PDCL2: variants seen among roughly 807,000 people sequenced by gnomAD.
PDCL2 encodes the protein phosducin-like protein 2.
PDCL2 carries 23 observed loss-of-function variants against 30.3 expected under a neutral mutation model. The ratio of observed to expected loss-of-function variants is 0.76; its 90% confidence interval spans 0.55 to 1.08. PDCL2 has a LOEUF of 1.08. Among genes scored for constraint, PDCL2 ranks in the 50% least tolerant of loss-of-function variants. The pLI is 0.00. For missense variants in PDCL2, 243 were observed against 282.3 expected, an observed-to-expected ratio of 0.86 and a Z score of 1.00; for synonymous variants, 68 against 86.2, an observed-to-expected ratio of 0.79 and a Z score of 1.17.
At chr4:55,570,661 TA>T (rs35648049) in intron 3 of PDCL2, among the ~76,000 whole-genome samples, 51,060 of 152,032 alleles carry the variant, frequency 0.34, 9,253 homozygotes, top group East Asian at 0.58. Context: ...GAGCATTCAA[TA>T]AATGTTGCTA....
In PDCL2 at chr4:55,569,750, ATCT is replaced by A. The variant is rs537768850; in HGVS notation, c.327_329del (p.Glu109del). 4,753 of 1,561,940 alleles carry A rather than the reference ATCT, an allele frequency of 3.0e-3. 11 individuals are homozygous for A. Among genetic ancestry groups the A allele is most frequent in the Non-Finnish European group, 3.9e-3 (4,539 of 1,152,192 alleles). Reference sequence around the variant, plus strand: ...TGTATAGATGAATTATAACCCACACATCTTCTTCTGCATTTGTGACTTCATTCA... The same window carrying A: ...TGTATAGATGAATTATAACCCACACATCTTCTGCATTTGTGACTTCATTCA... On this transcript the variant is annotated inframe_deletion, in exon 4 of 6. Transcript: ENST00000295645.
At chr4:55,567,322 C>T (rs1286733348) in intron 4 of PDCL2, among the ~76,000 whole-genome samples, 1 of 151,988 alleles carries the variant, frequency 6.6e-6, no homozygotes, top group African/African-American at 2.4e-5. Context: ...CACTTGAAGC[C>T]AGGAGTTTGA....
chr4:55,580,792 T>G, intron 3 of PDCL2, 29 bp downstream of exon 3: 1 of 1,491,480 alleles, frequency 6.7e-7, no homozygotes, highest in African/African-American at 1.4e-5. Context: ...ATTCAAAAAT[T>G]TATAATTAAC....
intron 1 of PDCL2, among the ~76,000 whole-genome samples, chr4:55,589,301 C>G (rs908519720): frequency 6.6e-6 from 1 of 152,132 alleles, no homozygotes; most frequent in Non-Finnish European, 1.5e-5. Flanking sequence ...TTTCTGTCCT[C>G]GAAAACTTAT....
Position 55,567,756 on chromosome 4 carries a change from T to C in PDCL2, c.362+1962A>G, listed in dbSNP as rs536540649. Reference sequence around the variant, plus strand: ...AACAACTTTGTATCAGTCCACTCCCTGTCCTCCTTTTATGTCTTCACAAAC... The same window carrying C: ...AACAACTTTGTATCAGTCCACTCCCCGTCCTCCTTTTATGTCTTCACAAAC... On this transcript the variant is annotated intron_variant, in intron 4 of 5. Transcript: ENST00000295645. Among the ~76,000 whole-genome samples, 11 of 152,352 alleles carry C rather than the reference T, an allele frequency of 7.2e-5. No individual in the cohort carries two copies. The East Asian group carries it at 1.9e-3, about 27-fold the overall frequency.
chr4:55,591,971 T>C (rs1344266909), intron 1 of PDCL2, 133 bp downstream of exon 1: 1 of 1,278,844 alleles, frequency 7.8e-7, no homozygotes. Flanking sequence ...GCACGCAAAA[T>C]TTAGCACTTT....
intron 4 of PDCL2, among the ~76,000 whole-genome samples, chr4:55,569,206 G>A (rs183250998): frequency 9.5e-4 from 144 of 152,218 alleles, no homozygotes; most frequent in African/African-American, 3.3e-3. Flanking sequence ...AATGGGTAGA[G>A]GAAATATAAT....
intron 5 of PDCL2, among the ~76,000 whole-genome samples, chr4:55,557,411 GAGA>G (rs1449969103): frequency 4.6e-5 from 7 of 152,138 alleles, no homozygotes; most frequent in African/African-American, 1.7e-4. Context: ...AAGTGAGTTA[GAGA>G]AGGTGAGTGA....
intron 4 of PDCL2, among the ~76,000 whole-genome samples, chr4:55,568,482 T>C (rs775419497): frequency 2.0e-5 from 3 of 152,214 alleles, no homozygotes. Context: ...TGACTCCTTG[T>C]CCAAAACATA....
Position 55,562,541 on chromosome 4 carries a change from A to G in PDCL2, c.434T>C (p.Val145Ala). Residue 145 changes from valine (V) to alanine (A), a missense_variant, in exon 5 of 6, where the codon GTT (valine) becomes GCT (alanine). Coordinates refer to ENST00000295645, the MANE Select transcript of PDCL2 (RefSeq NM_152401.3). ...AATACAGCTATTCACGATGGCTTTAACAAATTTAGTTTCTGGAAACTTTCT... is the reference window on the plus strand; with the variant it reads ...AATACAGCTATTCACGATGGCTTTAGCAAATTTAGTTTCTGGAAACTTTCT... The part of the protein sequence containing the change: ...LARKFPETKF[V>A]KAIVNSCIQH... 1 of 1,606,170 alleles carries G rather than the reference A, an allele frequency of 6.2e-7. No individual in the cohort carries two copies. Among genetic ancestry groups the G allele is most frequent in the South Asian group, 1.1e-5 (1 of 89,478 alleles).
chr4:55,591,972 T>G (rs2110172268), intron 1 of PDCL2, 132 bp downstream of exon 1: 1 of 1,285,026 alleles, frequency 7.8e-7, no homozygotes, highest in Non-Finnish European at 1.1e-6. Flanking sequence ...CACGCAAAAT[T>G]TAGCACTTTC....
At chr4:55,575,518 A>G (rs1250744669) in intron 3 of PDCL2, among the ~76,000 whole-genome samples, 1 of 152,216 alleles carries the variant, frequency 6.6e-6, no homozygotes, top group African/African-American at 2.4e-5. Flanking sequence ...ATGGCTGAAA[A>G]CTTCCCAAAT....
intron 4 of PDCL2, among the ~76,000 whole-genome samples, chr4:55,566,406 C>T: frequency 6.7e-6 from 1 of 150,218 alleles, no homozygotes; most frequent in Middle Eastern, 3.3e-3. Flanking sequence ...TATACCAACA[C>T]AGGAATGTAT....
At position 55,575,810 on chromosome 4, in the gene PDCL2, T is replaced by C. The variant is rs115069129; in HGVS notation, c.218+5011A>G. Among the ~76,000 whole-genome samples, 1,484 of 152,238 alleles carry C rather than the reference T, an allele frequency of 9.7e-3. 28 individuals carry two copies. The highest frequency in any genetic ancestry group is 0.034 in the African/African-American group (1,416 of 41,532). ...AGAAAACAACTGTCAAAAGCAAGAA[T>C]TCGATATTTGGCAAAACTATGCTTC... On this transcript the variant is annotated intron_variant, in intron 3 of 5. Coordinates refer to ENST00000295645, the MANE Select transcript of PDCL2 (RefSeq NM_152401.3).
chr4:55,573,677 G>A (rs1310349694), intron 3 of PDCL2, among the ~76,000 whole-genome samples: 2 of 152,012 alleles, frequency 1.3e-5, no homozygotes, highest in Non-Finnish European at 2.9e-5. Context: ...CTTGAGCCCA[G>A]GAGACAGAGG....
chr4:55,591,290 C>T (rs1732992596), intron 1 of PDCL2, among the ~76,000 whole-genome samples: 1 of 148,668 alleles, frequency 6.7e-6, no homozygotes, highest in South Asian at 2.1e-4. Flanking sequence ...TTTTACTGTA[C>T]CAAAAAAAAA....
chr4:55,558,120 C>T (rs1233583091), intron 5 of PDCL2, among the ~76,000 whole-genome samples: 14 of 90,270 alleles, frequency 1.6e-4, no homozygotes, highest in Admixed American at 1.3e-3. Context: ...TGCAAGACTC[C>T]GTCTCAAAAA....
At chr4:55,569,549 A>G (rs1303285079) in intron 4 of PDCL2, among the ~76,000 whole-genome samples, 169 bp downstream of exon 4, 1 of 152,166 alleles carries the variant, frequency 6.6e-6, no homozygotes, top group Admixed American at 6.5e-5. Flanking sequence ...TAAAATACCT[A>G]ATTTAATCCC....
chr4:55,580,677 C>A, intron 3 of PDCL2, 144 bp downstream of exon 3: 1 of 520,326 alleles, frequency 1.9e-6, no homozygotes, highest in Non-Finnish European at 3.2e-6. Context: ...TAAAATTCCA[C>A]CTTATATAAA....
Sources: gnomAD v4.1 joint callset for allele counts (sites outside exome capture counted in the v4.1 genomes callset) on GRCh38, gnomAD v4.1.1 for gene constraint, MANE v1.5 for transcripts, NCBI Gene and HGNC (gene_info 2026-07-23, HGNC 2026-07-21) for gene names.